The following MAN2B2 variants were observed in gnomAD, a reference collection of about 807,000 sequenced individuals.
MAN2B2 encodes epididymis-specific alpha-mannosidase.
A neutral mutation model predicts 117.1 loss-of-function variants in MAN2B2; 106 were observed. The ratio of observed to expected loss-of-function variants is 0.90; its 90% CI spans 0.77 to 1.06. MAN2B2 has a LOEUF of 1.06. MAN2B2 is among the 50% of genes least tolerant of loss of function. The pLI is 0.00. For missense variants in MAN2B2, 1,326 were observed against 1,381.4 expected, an observed-to-expected ratio of 0.96 and a Z score of 0.64; for synonymous variants, 544 against 595.1, an observed-to-expected ratio of 0.91 and a Z score of 1.25.
intron 3 of MAN2B2, among the ~76,000 whole-genome samples, chr4:6,582,650 T>C (rs1173654101): frequency 3.3e-5 from 5 of 152,030 alleles, no homozygotes; most frequent in Admixed American, 6.6e-5. Flanking sequence ...CCCAGCAGTA[T>C]TGAAAACACA....
intron 17 of MAN2B2, chr4:6,619,596 G>T: frequency 3.8e-6 from 1 of 264,882 alleles, no homozygotes; most frequent in Non-Finnish European, 7.5e-6. Flanking sequence ...GACTGGGCAC[G>T]GGGCCACCTG....
intron 5 of MAN2B2, among the ~76,000 whole-genome samples, chr4:6,592,769 A>G (rs1726906017): frequency 6.6e-6 from 1 of 152,220 alleles, no homozygotes; most frequent in Non-Finnish European, 1.5e-5. Flanking sequence ...AAGATGTTAA[A>G]TACTGAGCCT....
Position 6,614,225 on chromosome 4 carries a change from G to A in MAN2B2, c.2571G>A (p.Ala857=), listed in dbSNP as rs1474006304. ...VVLFGDLAGT[A]PKLPGPQQQE... ...TGTCCATCTGCCTTGCAGGGACTGC[G>A]CCGAAGCTCCCAGGACCCCAGCAGC... Residue 857 remains alanine, a synonymous_variant, in exon 16 of 19, where the codon GCG becomes GCA. Transcript: ENST00000285599. 21 of 1,613,944 alleles carry A rather than the reference G, an allele frequency of 1.3e-5. No individual in the cohort carries two copies. Among genetic ancestry groups the A allele is most frequent in the Admixed American group, 1.7e-5 (1 of 59,984 alleles).
At chr4:6,608,095 G>C (rs903823855) in intron 11 of MAN2B2, among the ~76,000 whole-genome samples, 1 of 152,168 alleles carries the variant, frequency 6.6e-6, no homozygotes, top group African/African-American at 2.4e-5. Flanking sequence ...TTATTATTGA[G>C]TTGTAAGAGT....
At chr4:6,613,921 C>T (rs138824437) in intron 15 of MAN2B2, among the ~76,000 whole-genome samples, 105 of 152,280 alleles carry the variant, frequency 6.9e-4, no homozygotes, top group African/African-American at 2.3e-3. Flanking sequence ...GCCTTGTTAT[C>T]TTGAATAAGC....
In MAN2B2 at chr4:6,588,582, G is replaced by C. The variant is rs1327299763; in HGVS notation, c.565-463G>C. Among the ~76,000 whole-genome samples the C allele has an allele frequency of 2.0e-5, 3 of 152,288 alleles. No individual in the cohort carries two copies. In the East Asian group the frequency reaches 5.8e-4, roughly 29 times the overall value. On this transcript the variant is annotated intron_variant, in intron 4 of 18. Transcript: ENST00000285599. ...ATACAAAAATTAGCCGGGCGTGGTAGCAAGTGGCTGAAATCCCAGCTACTC... is the reference window on the plus strand; with the variant it reads ...ATACAAAAATTAGCCGGGCGTGGTACCAAGTGGCTGAAATCCCAGCTACTC...
intron 10 of MAN2B2, among the ~76,000 whole-genome samples, chr4:6,603,051 G>A (rs373513404): frequency 5.9e-4 from 89 of 152,086 alleles, no homozygotes; most frequent in African/African-American, 1.8e-3. Context: ...GAAGCTTTCC[G>A]TCACTCCCCT....
chr4:6,605,036 C>T lies in MAN2B2; in HGVS notation c.1540-19C>T. The T allele has an allele frequency of 1.9e-6, 3 of 1,603,284 alleles. No homozygotes were observed. The highest frequency in any genetic ancestry group is 2.6e-6 in the Non-Finnish European group (3 of 1,172,098). ...GTGAGAGCTGACAGTTAACAAGTCT[C>T]ATCCTGCTGGCCTTGCAGATCCAGA... is the stretch of plus-strand genomic sequence containing the variant. On this transcript the variant is annotated intron_variant, in intron 10 of 18. Coordinates refer to ENST00000285599, the MANE Select transcript of MAN2B2 (RefSeq NM_015274.3).
In MAN2B2 at chr4:6,612,356, G is replaced by C. The variant is rs1213877017; in HGVS notation, c.2563+1078G>C. 2.0e-5 allele frequency among the ~76,000 whole-genome samples: 3 copies of C among 152,240 alleles called. No homozygotes were observed. The East Asian group carries it at 5.8e-4, about 29-fold the overall frequency. On this transcript the variant is annotated intron_variant, in intron 15 of 18. Coordinates refer to ENST00000285599, the MANE Select transcript of MAN2B2 (RefSeq NM_015274.3). The stretch of plus-strand genomic sequence containing the variant: ...TGCCATAGAGGGCCTGGTGTTTCGT[G>C]GGTGTAGAGGAGTGTGAGACCACAG...
In MAN2B2 at chr4:6,575,399, C is replaced by G. The variant is rs145124954; in HGVS notation, c.138+51C>G. ...CCCCTGAGGCTGCAGCTTCCCTCTC[C>G]CCGCGGGATCTGAGTGTGGGTTTGC... On this transcript the variant is annotated intron_variant, in intron 1 of 18. Coordinates refer to ENST00000285599, the MANE Select transcript of MAN2B2 (RefSeq NM_015274.3). 1.6e-3 allele frequency: 2,138 copies of G among 1,375,606 alleles called. 27 individuals carry two copies. The African/African-American group carries it at 0.026, about 16-fold the overall frequency. The allele number at this position is 1,375,606 out of a possible 1,614,324, so 85.2% of individuals were successfully genotyped here. A position where few individuals can be genotyped will look rare whatever the true frequency, so the allele number is the denominator to read the frequency against.
rs867555495 is a variant in MAN2B2, at chr4:6,579,222, C to T, written c.391+724C>T. ...ACCACCATCACCATCACCACCACCA[C>T]CACCACCATCACCACCACCACCCTT... On this transcript the variant is annotated intron_variant, in intron 3 of 18. Transcript: ENST00000285599. Among the ~76,000 whole-genome samples the T allele has an allele frequency of 1.0e-4, 8 of 77,790 alleles. 1 individual carries two copies. Among genetic ancestry groups the T allele is most frequent in the Non-Finnish European group, 8.5e-5 (3 of 35,114 alleles). The allele number at this position is 77,790 out of a possible 152,430, so 51.0% of individuals were successfully genotyped here. A position where few individuals can be genotyped will look rare whatever the true frequency, so the allele number is the denominator to read the frequency against.
intron 10 of MAN2B2, among the ~76,000 whole-genome samples, chr4:6,603,239 C>T (rs1392596222): frequency 2.0e-5 from 3 of 152,124 alleles, no homozygotes; most frequent in Non-Finnish European, 4.4e-5. Flanking sequence ...TTCCAGAGGG[C>T]GCCAGACACG....
chr4:6,610,090 G>A (rs755723112), intron 13 of MAN2B2, 40 bp downstream of exon 13: 9 of 1,608,486 alleles, frequency 5.6e-6, no homozygotes, highest in South Asian at 2.2e-5. Flanking sequence ...TCCCAATGGC[G>A]CCTTTCCTGG....
chr4:6,611,209 A>T lies in MAN2B2; in HGVS notation c.2494A>T (p.Thr832Ser), dbSNP rs1711538889. The T allele has an allele frequency of 6.2e-7, 1 of 1,613,594 alleles. No homozygotes were observed. The highest frequency in any genetic ancestry group is 1.3e-5 in the African/African-American group (1 of 74,868). ...WLLLGSWSLT[T>S]ALRQRSALAL... is the part of the protein sequence containing the mutation. ...TCTGCTGGGATCCTGGTCCCTCACC[A>T]CTGCCCTGCGCCAGAGGAGCGCACT... is the stretch of plus-strand genomic sequence containing the variant. Residue 832 changes from threonine to serine, a missense_variant, in exon 15 of 19, where the codon ACT (threonine) becomes TCT (serine). By Grantham distance (58) the Thr-to-Ser change is moderately conservative (BLOSUM62 1). Transcript: ENST00000285599.
At chr4:6,620,276 C>T (rs1303602040) in intron 18 of MAN2B2, 5 of 472,606 alleles carry the variant, frequency 1.1e-5, no homozygotes, top group Non-Finnish European at 1.9e-5. Flanking sequence ...TGCACTTGTA[C>T]GTGTGCACAC....
At chr4:6,595,572 A>G (rs565598355) in intron 7 of MAN2B2, among the ~76,000 whole-genome samples, 2 of 152,354 alleles carry the variant, frequency 1.3e-5, no homozygotes, top group South Asian at 4.1e-4. Context: ...ACAGCCGGAC[A>G]AGGGGGTTGA....
intron 10 of MAN2B2, among the ~76,000 whole-genome samples, chr4:6,604,830 TG>T (rs1180945160): frequency 6.6e-6 from 1 of 151,950 alleles, no homozygotes; most frequent in Non-Finnish European, 1.5e-5. Flanking sequence ...AGAGAAGCTT[TG>T]GGGACCCCAA....
intron 3 of MAN2B2, among the ~76,000 whole-genome samples, chr4:6,585,668 A>C (rs1726602348): frequency 6.6e-6 from 1 of 152,188 alleles, no homozygotes; most frequent in Non-Finnish European, 1.5e-5. Flanking sequence ...AGAGCTCAGG[A>C]GTGACTTAGC....
chr4:6,595,041 T>C (rs1382866421), intron 7 of MAN2B2, among the ~76,000 whole-genome samples: 1 of 152,134 alleles, frequency 6.6e-6, no homozygotes, highest in Non-Finnish European at 1.5e-5. Flanking sequence ...TCCATCACCT[T>C]CTCTTCCTGC....
Sources: allele counts gnomAD v4.1 joint callset (sites outside exome capture counted in the v4.1 genomes callset), GRCh38; gene constraint gnomAD v4.1.1; transcripts MANE v1.5; gene names NCBI Gene and HGNC (gene_info 2026-07-23, HGNC 2026-07-21).